Variants in NFASC observed in about 807,000 individuals in gnomAD.
NFASC encodes the protein neurofascin, also known as neurofascin homolog.
A neutral mutation model predicts 147.5 loss-of-function variants in NFASC; 43 were observed. The observed-to-expected ratio is 0.29, with a 90% CI of 0.23 to 0.38. NFASC has a LOEUF of 0.38. NFASC is among the 10% of genes least tolerant of loss of function. The probability of loss-of-function intolerance (pLI) is 1.00; values close to 1 mark genes in which losing one functional copy is unlikely to be tolerated. For synonymous variants in NFASC, 622 were observed against 665.5 expected, an observed-to-expected ratio of 0.93 and a Z score of 1.01; for missense variants, 1,320 against 1,689.0, an observed-to-expected ratio of 0.78 and a Z score of 3.83.
intron 1 of NFASC, among the ~76,000 whole-genome samples, chr1:204,877,613 C>G (rs1287055374): frequency 6.6e-6 from 1 of 152,054 alleles, no homozygotes; most frequent in African/African-American, 2.4e-5. Flanking sequence ...ATGGGGGTCC[C>G]CTTGGCCAAG....
chr1:204,974,375 GCAAGACC>G lies in NFASC; in HGVS notation c.1391+86_1391+92del, dbSNP rs758500138. ...CCATCTGGCCCATAGTAGGTGTTCA[GCAAGACC>G]TGGGAATCTTAAAGGGTCAAAGCTG... On this transcript the variant is annotated intron_variant, in intron 13 of 29. Transcript: ENST00000339876. 167 of 1,061,854 alleles carry G rather than the reference GCAAGACC, an allele frequency of 1.6e-4. 1 individual carries two copies. The highest frequency in any genetic ancestry group is 2.2e-4 in the Non-Finnish European group (157 of 699,226). 65.8% of individuals were successfully genotyped at this position (1,061,854 alleles called of 1,614,324 possible).
Position 205,017,161 on chromosome 1 carries a change from C to A in NFASC, c.*622C>A. ...CTGGCCCCCAGCCCCTCTGCCTCGG[C>A]CTTGTCAGTTGCTGAGCTGGGCTTG... On this transcript the variant is annotated 3_prime_UTR_variant, in exon 30 of 30. Coordinates refer to ENST00000339876, the MANE Select transcript of NFASC (RefSeq NM_001005388.3). 6.0e-6 allele frequency: 1 copy of A among 166,608 alleles called. No individual in the cohort carries two copies. The highest frequency in any genetic ancestry group is 1.3e-5 in the Non-Finnish European group (1 of 75,092). 10.3% of individuals were successfully genotyped at this position (166,608 alleles called of 1,614,324 possible). A position where few individuals can be genotyped will look rare whatever the true frequency, so the allele number is the denominator to read the frequency against.
intron 1 of NFASC, among the ~76,000 whole-genome samples, chr1:204,894,910 C>A (rs2083103821): frequency 6.6e-6 from 1 of 152,208 alleles, no homozygotes; most frequent in South Asian, 2.1e-4. Flanking sequence ...TACATGAGGT[C>A]TTTAGCCTGG....
intron 24 of NFASC, among the ~76,000 whole-genome samples, chr1:204,993,584 G>A (rs1181931736): frequency 1.3e-5 from 2 of 152,162 alleles, no homozygotes; most frequent in African/African-American, 4.8e-5. Context: ...TGAGGTTGAC[G>A]CTGCCATCTA....
intron 29 of NFASC, among the ~76,000 whole-genome samples, chr1:205,013,201 C>G (rs2096284108): frequency 6.6e-6 from 1 of 152,204 alleles, no homozygotes; most frequent in Non-Finnish European, 1.5e-5. Context: ...TCCACCTTTT[C>G]ACTCTGAACA....
intron 14 of NFASC, 34 bp downstream of exon 14, chr1:204,974,857 G>A: frequency 1.3e-6 from 2 of 1,588,798 alleles, no homozygotes; most frequent in Non-Finnish European, 1.7e-6. Context: ...GGAGTTTGGA[G>A]AGGGACAAGG....
chr1:204,959,773 G>A lies in NFASC; in HGVS notation c.706+1947G>A, dbSNP rs2150096105. On this transcript the variant is annotated intron_variant, in intron 8 of 29. Coordinates refer to ENST00000339876, the MANE Select transcript of NFASC (RefSeq NM_001005388.3). ...CTGAGGTGGTGAAGAGTCTTCCTCTGTAGAATTAACTAACTTCCTCTGCAG... is the reference window on the plus strand; with the variant it reads ...CTGAGGTGGTGAAGAGTCTTCCTCTATAGAATTAACTAACTTCCTCTGCAG... 1.3e-5 allele frequency among the ~76,000 whole-genome samples: 2 copies of A among 152,368 alleles called. 1 individual carries two copies. The highest frequency in any genetic ancestry group is 6.8e-3 in the Middle Eastern group (2 of 294).
At chr1:204,966,937 C>G (rs1469989356) in intron 8 of NFASC, among the ~76,000 whole-genome samples, 2 of 152,170 alleles carry the variant, frequency 1.3e-5, no homozygotes, top group Non-Finnish European at 1.5e-5. Context: ...ACAGGAGCCC[C>G]GCCGGTGCAG....
intron 25 of NFASC, chr1:204,997,821 A>G: frequency 3.5e-6 from 1 of 286,056 alleles, no homozygotes; most frequent in South Asian, 3.6e-5. Flanking sequence ...AGGACCAGAT[A>G]CTGTACAGCT....
At chr1:204,859,071 G>A (rs1490563056) in intron 1 of NFASC, among the ~76,000 whole-genome samples, 3 of 151,040 alleles carry the variant, frequency 2.0e-5, no homozygotes, top group African/African-American at 4.9e-5. Context: ...TCTGCCTCCC[G>A]GGTGCCAGCG....
rs542519076 is a variant in NFASC, at chr1:204,997,204, G to T, written c.2817G>T (p.Ala939=). The T allele has an allele frequency of 8.1e-6, 13 of 1,613,662 alleles. No homozygotes were observed. The African/African-American group carries it at 1.6e-4, about 20-fold the overall frequency. ...CATTGCCCCCGACTACCGTGGGTGCGACGGGCGCTGTGAGCAGTACCGATG... is the reference window on the plus strand; with the variant it reads ...CATTGCCCCCGACTACCGTGGGTGCTACGGGCGCTGTGAGCAGTACCGATG... ...PPTLPPTTVG[A]TGAVSSTDAT... Residue 939 remains alanine (A), a synonymous_variant, in exon 25 of 30, where the codon GCG becomes GCT. Coordinates refer to ENST00000339876, the MANE Select transcript of NFASC (RefSeq NM_001005388.3).
At chr1:204,889,673 C>T (rs777456321) in intron 1 of NFASC, among the ~76,000 whole-genome samples, 1 of 152,134 alleles carries the variant, frequency 6.6e-6, no homozygotes, top group Non-Finnish European at 1.5e-5. Context: ...TCTAGACGTC[C>T]GCCCCCAGTG....
intron 1 of NFASC, among the ~76,000 whole-genome samples, chr1:204,899,486 C>T (rs1359893884): frequency 2.6e-5 from 4 of 152,176 alleles, no homozygotes; most frequent in South Asian, 2.1e-4. Flanking sequence ...AGACATTTGC[C>T]GGTTCCTGCC....
At chr1:204,950,679 C>T in intron 4 of NFASC, 105 bp downstream of exon 4, 1 of 1,002,664 alleles carries the variant, frequency 1.0e-6, no homozygotes. Context: ...TCTGCTGGGG[C>T]CTCTTCATAC....
At chr1:204,860,799 G>T (rs936406409) in intron 1 of NFASC, among the ~76,000 whole-genome samples, 3 of 152,022 alleles carry the variant, frequency 2.0e-5, no homozygotes, top group Non-Finnish European at 4.4e-5. Flanking sequence ...CTATAGACTT[G>T]CCTATTCTGG....
intron 1 of NFASC, among the ~76,000 whole-genome samples, chr1:204,864,074 C>G (rs2076920796): frequency 6.6e-6 from 1 of 152,170 alleles, no homozygotes; most frequent in African/African-American, 2.4e-5. Context: ...CTCTCTGTCT[C>G]TACGAATTTG....
intron 2 of NFASC, among the ~76,000 whole-genome samples, chr1:204,921,072 C>A (rs2090381655): frequency 6.6e-6 from 1 of 152,224 alleles, no homozygotes; most frequent in Admixed American, 6.5e-5. Flanking sequence ...CCTACTTAGT[C>A]TCGGCCTCTA....
intron 27 of NFASC, chr1:205,009,216 C>T (rs528704461): frequency 2.2e-4 from 88 of 405,906 alleles, no homozygotes; most frequent in Non-Finnish European, 3.7e-4. Context: ...GTGGCCATCC[C>T]TCAGTCCCCA....
rs2094303444 is a variant in NFASC at position 204,954,153 on chromosome 1, T to C, written c.216-35T>C. ...GCCTGGAGCCCAGAGCCCACCCCAT[T>C]CGTCTTGGTTGCCACTGCTCCCCAC... On this transcript the variant is annotated intron_variant, in intron 5 of 29. Coordinates refer to ENST00000339876, the MANE Select transcript of NFASC (RefSeq NM_001005388.3). This position sits in a 1 kb window ranked among gnomAD's most constrained non-coding sequence, Gnocchi z 5.7. The C allele has an allele frequency of 1.2e-6, 2 of 1,601,568 alleles. No homozygotes were observed. Among genetic ancestry groups the C allele is most frequent in the Non-Finnish European group, 1.7e-6 (2 of 1,169,234 alleles).
Sources: gnomAD v4.1 joint callset for allele counts (sites outside exome capture counted in the v4.1 genomes callset) on GRCh38, gnomAD v4.1.1 for gene constraint, Gnocchi (gnomAD v3.1) non-coding constraint, MANE v1.5 for transcripts, NCBI Gene and HGNC (gene_info 2026-07-23, HGNC 2026-07-21) for gene names.